Variants in GRB14 observed in about 807,000 individuals in gnomAD.
The protein encoded by GRB14 is growth factor receptor bound protein 14, also known as growth factor receptor-bound protein 14.
A neutral mutation model predicts 69.1 loss-of-function variants in GRB14; 38 were observed. The observed-to-expected ratio is 0.55, with a 90% CI of 0.42 to 0.72. The LOEUF (loss-of-function observed/expected upper bound fraction) is 0.72. Ranked by LOEUF, GRB14 falls within the 30% of genes least tolerant of loss-of-function variation. GRB14 has a pLI of 0.00. For synonymous variants in GRB14, 247 were observed against 241.3 expected, an observed-to-expected ratio of 1.02 and a Z score of -0.22; for missense variants, 666 against 666.1, an observed-to-expected ratio of 1.00 and a Z score of 0.00.
At chr2:164,572,870 T>A (rs994808414) in intron 2 of GRB14, among the ~76,000 whole-genome samples, 1 of 152,184 alleles carries the variant, frequency 6.6e-6, no homozygotes, top group South Asian at 2.1e-4. Flanking sequence ...AATACTTTTT[T>A]AATCCAGCCA....
chr2:164,588,459 C>T (rs1165206292), intron 2 of GRB14, among the ~76,000 whole-genome samples: 1 of 151,954 alleles, frequency 6.6e-6, no homozygotes, highest in East Asian at 1.9e-4. Flanking sequence ...GCAGAAACAT[C>T]GAGAAAGCAA....
At chr2:164,580,745 T>C (rs1335002409) in intron 2 of GRB14, among the ~76,000 whole-genome samples, 1 of 151,918 alleles carries the variant, frequency 6.6e-6, no homozygotes, top group African/African-American at 2.4e-5. Flanking sequence ...TTAGAAAGTA[T>C]GCATTACTTA....
intron 6 of GRB14, among the ~76,000 whole-genome samples, chr2:164,510,351 G>A (rs150048050): frequency 6.6e-6 from 1 of 152,308 alleles, no homozygotes; most frequent in Non-Finnish European, 1.5e-5. Flanking sequence ...GAACGGGCAT[G>A]GTTAGCAAAA....
chr2:164,582,428 T>A (rs1315190336), intron 2 of GRB14, among the ~76,000 whole-genome samples: 137 of 122,104 alleles, frequency 1.1e-3, no homozygotes, highest in Middle Eastern at 4.2e-3. Flanking sequence ...TTTATTATTT[T>A]TTTTTTTTTT....
At chr2:164,545,911 A>G (rs1171246184) in intron 3 of GRB14, among the ~76,000 whole-genome samples, 1 of 152,214 alleles carries the variant, frequency 6.6e-6, no homozygotes, top group East Asian at 1.9e-4. Context: ...GCATTTCCAA[A>G]TAAAACATTT....
At chr2:164,495,143 T>C (rs1479466585) in intron 12 of GRB14, among the ~76,000 whole-genome samples, 1 of 152,030 alleles carries the variant, frequency 6.6e-6, no homozygotes, top group Non-Finnish European at 1.5e-5. Context: ...GGTTTCACCA[T>C]ATTGGCTGGG....
At chr2:164,594,537 T>C (rs1689739605) in intron 2 of GRB14, among the ~76,000 whole-genome samples, 1 of 152,220 alleles carries the variant, frequency 6.6e-6, no homozygotes, top group African/African-American at 2.4e-5. Flanking sequence ...TTCTGTCTTA[T>C]AAAGTACAGA....
At chr2:164,597,504 G>C (rs527671210) in intron 2 of GRB14, among the ~76,000 whole-genome samples, 34 of 152,052 alleles carry the variant, frequency 2.2e-4, no homozygotes, top group Non-Finnish European at 3.5e-4. Context: ...CAAAGATACA[G>C]AGCAATGCCA....
chr2:164,529,099 A>G (rs892126449), intron 3 of GRB14, among the ~76,000 whole-genome samples: 1 of 152,202 alleles, frequency 6.6e-6, no homozygotes, highest in Non-Finnish European at 1.5e-5. Flanking sequence ...TAATTCTGAC[A>G]CATGCTACAA....
At chr2:164,557,151 A>C (rs1224772988) in intron 2 of GRB14, among the ~76,000 whole-genome samples, 1 of 152,228 alleles carries the variant, frequency 6.6e-6, no homozygotes, top group Non-Finnish European at 1.5e-5. Context: ...GACAAACATG[A>C]GCAAACATAC....
rs1690202658 is a variant in GRB14 at position 164,613,000 on chromosome 2, G to A, written c.324+6687C>T. 1.3e-5 allele frequency among the ~76,000 whole-genome samples: 2 copies of A among 152,194 alleles called. 1 individual carries two copies. The highest frequency in any genetic ancestry group is 4.1e-4 in the South Asian group (2 of 4,826). The stretch of plus-strand genomic sequence containing the variant: ...AATGAAGGTAACTAGCATAAGGTGG[G>A]AAGGAACCTGAGTTGGTAATTCCTG... On this transcript the variant is annotated intron_variant, in intron 2 of 13. Transcript: ENST00000263915.
rs574592944 is a variant in GRB14 at position 164,608,287 on chromosome 2, G to T, written c.324+11400C>A. ...CTCAGGAGGCTGAGGCAGGAGAATC[G>T]CTTGAACCCAGGAGGTGGAGGTCGT... On this transcript the variant is annotated intron_variant, in intron 2 of 13. Coordinates refer to ENST00000263915, the MANE Select transcript of GRB14 (RefSeq NM_004490.3). 2.8e-3 allele frequency among the ~76,000 whole-genome samples: 424 copies of T among 152,014 alleles called. 2 individuals carry two copies. Among genetic ancestry groups the T allele is most frequent in the African/African-American group, 9.3e-3 (384 of 41,462 alleles).
intron 6 of GRB14, among the ~76,000 whole-genome samples, chr2:164,514,141 A>C (rs942120662): frequency 1.3e-5 from 2 of 152,228 alleles, no homozygotes; most frequent in Non-Finnish European, 2.9e-5. Context: ...GGAATTTACA[A>C]TGTATGTAAG....
rs532552011 is a variant in GRB14 at position 164,508,698 on chromosome 2, G to A, written c.927+44C>T. 4.7e-6 allele frequency: 7 copies of A among 1,488,224 alleles called. No homozygotes were observed. The Admixed American group carries it at 1.2e-4, about 26-fold the overall frequency. 92.2% of individuals were successfully genotyped at this position (1,488,224 alleles called of 1,614,324 possible). ...AAGGAAACTCAAGCTTACCTAAAAG[G>A]CTGAGGCTTGCTTTATTCATCTATC... On this transcript the variant is annotated intron_variant, in intron 7 of 13. Transcript: ENST00000263915.
intron 2 of GRB14, among the ~76,000 whole-genome samples, chr2:164,617,193 T>C (rs530871284): frequency 3.5e-4 from 53 of 152,096 alleles, no homozygotes; most frequent in Middle Eastern, 3.4e-3. Flanking sequence ...ATCTCAACCA[T>C]TGGGCCAAGG....
chr2:164,500,574 C>G (rs1017559061), intron 9 of GRB14, among the ~76,000 whole-genome samples: 1 of 152,000 alleles, frequency 6.6e-6, no homozygotes, highest in Non-Finnish European at 1.5e-5. Flanking sequence ...ATAGAGACAC[C>G]AAAGTCAACA....
At chr2:164,591,908 GT>G (rs1689673985) in intron 2 of GRB14, among the ~76,000 whole-genome samples, 1 of 152,106 alleles carries the variant, frequency 6.6e-6, no homozygotes, top group African/African-American at 2.4e-5. Flanking sequence ...CATGGGGGCA[GT>G]TTTCCCCATA....
intron 2 of GRB14, among the ~76,000 whole-genome samples, chr2:164,616,612 A>T (rs1349357982): frequency 6.6e-6 from 1 of 152,192 alleles, no homozygotes; most frequent in Non-Finnish European, 1.5e-5. Flanking sequence ...TAGGCATCTC[A>T]AATAGTAAAC....
chr2:164,523,232 G>A (rs1157162536), intron 5 of GRB14, among the ~76,000 whole-genome samples: 1 of 152,036 alleles, frequency 6.6e-6, no homozygotes, highest in East Asian at 1.9e-4. Flanking sequence ...CCCACAAATT[G>A]TTGGCAAAAT....
Sources: allele counts gnomAD v4.1 joint callset (sites outside exome capture counted in the v4.1 genomes callset), GRCh38; gene constraint gnomAD v4.1.1; transcripts MANE v1.5; gene names NCBI Gene and HGNC (gene_info 2026-07-23, HGNC 2026-07-21).